The following UBE2E2 variants were observed in gnomAD, a reference collection of about 807,000 sequenced individuals.
UBE2E2 encodes the protein ubiquitin-conjugating enzyme E2 E2.
A neutral mutation model predicts 24.7 loss-of-function variants in UBE2E2; 6 were observed. The ratio of observed to expected loss-of-function variants is 0.24; its 90% CI spans 0.13 to 0.48. The LOEUF (loss-of-function observed/expected upper bound fraction) is 0.48, where lower values mean the gene tolerates loss of function less well. Ranked by LOEUF, UBE2E2 falls within the 20% of genes least tolerant of loss-of-function variation. UBE2E2 has a pLI of 0.99. For missense variants in UBE2E2, 169 were observed against 245.0 expected, an observed-to-expected ratio of 0.69 and a Z score of 2.07; for synonymous variants, 104 against 83.6, an observed-to-expected ratio of 1.24 and a Z score of -1.33.
chr3:23,364,131 T>C (rs1696197574), intron 3 of UBE2E2, among the ~76,000 whole-genome samples: 1 of 151,864 alleles, frequency 6.6e-6, no homozygotes, highest in African/African-American at 2.4e-5. Flanking sequence ...AAGAGGGAAG[T>C]ATATAGCACT....
chr3:23,291,089 C>G (rs936629985), intron 3 of UBE2E2, among the ~76,000 whole-genome samples: 2 of 92,638 alleles, frequency 2.2e-5, no homozygotes, highest in Non-Finnish European at 4.5e-5. Flanking sequence ...AAACAAAAAA[C>G]GTGAGCCTAG....
At chr3:23,519,676 T>G (rs1308635568) in intron 4 of UBE2E2, among the ~76,000 whole-genome samples, 4 of 151,712 alleles carry the variant, frequency 2.6e-5, no homozygotes, top group South Asian at 4.2e-4. Flanking sequence ...TGTGTGAGGG[T>G]TTTTTTTGTT....
chr3:23,484,448 CT>C lies in UBE2E2; in HGVS notation c.228-15150del, dbSNP rs529015109. Among the ~76,000 whole-genome samples the C allele has an allele frequency of 1.4e-3, 212 of 149,418 alleles. 1 individual carries two copies. The highest frequency in any genetic ancestry group is 1.7e-3 in the Non-Finnish European group (116 of 67,058). The stretch of plus-strand genomic sequence containing the variant: ...AAGCTCACCTACCAGGAAATGAAAA[CT>C]TTTTTTTTTACAGGGTTCCCATAGC... On this transcript the variant is annotated intron_variant, in intron 3 of 5. Coordinates refer to ENST00000396703, the MANE Select transcript of UBE2E2 (RefSeq NM_152653.4).
At chr3:23,499,530 G>C (rs1025169788) in intron 3 of UBE2E2, 78 bp from the exon 4 acceptor site, 1 of 1,523,340 alleles carries the variant, frequency 6.6e-7, no homozygotes, top group Non-Finnish European at 8.8e-7. Context: ...TGCTCAATTG[G>C]TTATCATAAA....
rs934164825 is a variant in UBE2E2 at position 23,203,368 on chromosome 3, C to T, written c.-105C>T. 3 of 985,992 alleles carry T rather than the reference C, an allele frequency of 3.0e-6. No homozygotes were observed. Among genetic ancestry groups the T allele is most frequent in the South Asian group, 4.6e-5 (1 of 21,650 alleles). The allele number at this position is 985,992 out of a possible 1,614,324, so 61.1% of individuals were successfully genotyped here. A position where few individuals can be genotyped will look rare whatever the true frequency, so the allele number is the denominator to read the frequency against. On this transcript the variant is annotated 5_prime_UTR_variant, in exon 1 of 6. Coordinates refer to ENST00000396703, the MANE Select transcript of UBE2E2 (RefSeq NM_152653.4). Reference sequence around the variant, plus strand: ...ACGGTCCGCAGGGGACATCCCGTCCCTGGGGCCTCCCCAGTCTCCCTCCCC... The same window carrying T: ...ACGGTCCGCAGGGGACATCCCGTCCTTGGGGCCTCCCCAGTCTCCCTCCCC...
At chr3:23,519,727 A>G (rs1444837819) in intron 4 of UBE2E2, among the ~76,000 whole-genome samples, 1 of 152,088 alleles carries the variant, frequency 6.6e-6, no homozygotes, top group Admixed American at 6.5e-5. Context: ...CCCATACTGG[A>G]GTGCAGTGGC....
intron 5 of UBE2E2, among the ~76,000 whole-genome samples, chr3:23,571,280 C>CTTTTTTTTTTTTTCTTTTTTTTTTTTTT (rs1696219318): frequency 3.3e-5 from 1 of 29,866 alleles, no homozygotes; most frequent in Non-Finnish European, 6.6e-5. Context: ...GTGCTCCTTT[C>CTTTTTTTTTTTTTCTTTTTTTTTTTTTT]TTTTTTTTTT....
intron 3 of UBE2E2, among the ~76,000 whole-genome samples, chr3:23,430,126 G>C (rs1389176191): frequency 6.6e-6 from 1 of 152,166 alleles, no homozygotes; most frequent in Non-Finnish European, 1.5e-5. Context: ...CAGACCCCTT[G>C]AATGTTGGAC....
chr3:23,372,751 G>A (rs951218980), intron 3 of UBE2E2, among the ~76,000 whole-genome samples: 5 of 152,006 alleles, frequency 3.3e-5, no homozygotes, highest in South Asian at 2.1e-4. Flanking sequence ...TTATTTTTCC[G>A]TTAAGATTAT....
At chr3:23,433,312 T>TA (rs981289730) in intron 3 of UBE2E2, among the ~76,000 whole-genome samples, 3 of 151,530 alleles carry the variant, frequency 2.0e-5, no homozygotes, top group African/African-American at 4.8e-5. Flanking sequence ...TTGACTCCAT[T>TA]AAAAAAAAGC....
chr3:23,572,506 A>G (rs563682919), intron 5 of UBE2E2, among the ~76,000 whole-genome samples: 1 of 152,188 alleles, frequency 6.6e-6, no homozygotes, highest in African/African-American at 2.4e-5. Context: ...ACCCAATAGG[A>G]AGTTTCTCAG....
At chr3:23,504,869 T>C (rs1426597633) in intron 4 of UBE2E2, among the ~76,000 whole-genome samples, 2 of 151,120 alleles carry the variant, frequency 1.3e-5, no homozygotes, top group Admixed American at 6.6e-5. Flanking sequence ...TTTGAAAATA[T>C]TGTGACACTC....
At chr3:23,488,381 G>A (rs575739813) in intron 3 of UBE2E2, among the ~76,000 whole-genome samples, 2 of 152,000 alleles carry the variant, frequency 1.3e-5, no homozygotes, top group East Asian at 1.9e-4. Flanking sequence ...CCGCCGACAG[G>A]CCCCGATGTG....
chr3:23,351,411 T>C (rs1695744154), intron 3 of UBE2E2, among the ~76,000 whole-genome samples: 2 of 152,220 alleles, frequency 1.3e-5, no homozygotes, highest in African/African-American at 4.8e-5. Context: ...GTAAATGGAC[T>C]GAATGCTCCA....
intron 5 of UBE2E2, among the ~76,000 whole-genome samples, chr3:23,568,720 CAT>C (rs1380060621): frequency 5.3e-5 from 7 of 133,166 alleles, no homozygotes; most frequent in African/African-American, 1.5e-4. Context: ...TGTATATACA[CAT>C]ATATATGTAT....
At chr3:23,240,635 T>C (rs749235452) in intron 3 of UBE2E2, among the ~76,000 whole-genome samples, 16 of 152,230 alleles carry the variant, frequency 1.1e-4, no homozygotes, top group Non-Finnish European at 1.9e-4. Flanking sequence ...TGAAATCTGA[T>C]AGGATCTCTT....
chr3:23,266,360 A>G (rs546688689), intron 3 of UBE2E2, among the ~76,000 whole-genome samples: 2 of 152,292 alleles, frequency 1.3e-5, no homozygotes, highest in African/African-American at 4.8e-5. Flanking sequence ...AAAATCTCTC[A>G]GCATTTGCTT....
At position 23,513,163 on chromosome 3, in the gene UBE2E2, C is replaced by G. The variant is rs539841175; in HGVS notation, c.360+13423C>G. On this transcript the variant is annotated intron_variant, in intron 4 of 5. Coordinates refer to ENST00000396703, the MANE Select transcript of UBE2E2 (RefSeq NM_152653.4). Reference sequence around the variant, plus strand: ...TTTCTTCATTTCTTTTTTCTTTTCTCTCTTCCAGACATCACTACTTCTTGT... The same window carrying G: ...TTTCTTCATTTCTTTTTTCTTTTCTGTCTTCCAGACATCACTACTTCTTGT... Among the ~76,000 whole-genome samples, 5 of 152,102 alleles carry G rather than the reference C, an allele frequency of 3.3e-5. No individual in the cohort carries two copies. The East Asian group carries it at 9.7e-4, about 29-fold the overall frequency.
At chr3:23,501,331 A>G (rs1699716875) in intron 4 of UBE2E2, among the ~76,000 whole-genome samples, 1 of 152,162 alleles carries the variant, frequency 6.6e-6, no homozygotes, top group African/African-American at 2.4e-5. Context: ...GGGGGGAGAG[A>G]GTCAAATCGC....
Sources: allele counts gnomAD v4.1 joint callset (sites outside exome capture counted in the v4.1 genomes callset), GRCh38; gene constraint gnomAD v4.1.1; transcripts MANE v1.5; gene names NCBI Gene and HGNC (gene_info 2026-07-23, HGNC 2026-07-21).